Variants in SMCO3 observed in about 807,000 individuals in gnomAD.
SMCO3 encodes the protein single-pass membrane protein with coiled-coil domains 3, also known as single-pass membrane and coiled-coil domain-containing protein 3.
A neutral mutation model predicts 12.0 loss-of-function variants in SMCO3; 6 were observed. The observed-to-expected ratio is 0.50, with a 90% confidence interval of 0.27 to 0.99. The LOEUF is 0.99. Ranked by LOEUF, SMCO3 falls within the 50% of genes least tolerant of loss-of-function variation. The probability of loss-of-function intolerance (pLI) is 0.11; values close to 1 mark genes in which losing one functional copy is unlikely to be tolerated. For synonymous variants in SMCO3, 96 were observed against 96.4 expected (o/e 1.00, Z 0.02); for missense variants, 279 against 265.0 (o/e 1.05, Z -0.37).
chr12:14,811,840 A>G (rs1950144494), intron 1 of SMCO3, among the ~76,000 whole-genome samples: 1 of 152,252 alleles, frequency 6.6e-6, no homozygotes, highest in South Asian at 2.1e-4. Context: ...AGAAATTAAT[A>G]TCAAGGTGAT....
At chr12:14,808,164 CA>C (rs550952665) in intron 1 of SMCO3, among the ~76,000 whole-genome samples, 259 of 132,868 alleles carry the variant, frequency 1.9e-3, no homozygotes, top group Middle Eastern at 3.8e-3. Context: ...GACTTTGTCT[CA>C]AAAAAAAAAA....
intron 1 of SMCO3, among the ~76,000 whole-genome samples, chr12:14,807,905 CCTGTA>C (rs1950078249): frequency 6.6e-6 from 1 of 152,320 alleles, no homozygotes; most frequent in East Asian, 1.9e-4. Context: ...GTGGCTCAGG[CCTGTA>C]ATCCCAGCAC....
At chr12:14,812,571 C>T (rs1950158398) in intron 1 of SMCO3, among the ~76,000 whole-genome samples, 2 of 151,714 alleles carry the variant, frequency 1.3e-5, no homozygotes, top group Admixed American at 1.3e-4. Flanking sequence ...ATTTTTTTTC[C>T]TCCATTATCT....
intron 1 of SMCO3, among the ~76,000 whole-genome samples, chr12:14,813,325 G>A (rs1441572197): frequency 6.6e-6 from 1 of 152,108 alleles, no homozygotes; most frequent in Non-Finnish European, 1.5e-5. Flanking sequence ...TCCTTATCTG[G>A]GAGTGTGGAA....
At chr12:14,810,337 A>G (rs1284467079) in intron 1 of SMCO3, among the ~76,000 whole-genome samples, 5 of 152,212 alleles carry the variant, frequency 3.3e-5, no homozygotes, top group African/African-American at 1.2e-4. Context: ...GGGGATTGAA[A>G]GTGAAACCAT....
intron 1 of SMCO3, among the ~76,000 whole-genome samples, chr12:14,810,012 T>G (rs1592232683): frequency 6.6e-6 from 1 of 152,236 alleles, no homozygotes; most frequent in African/African-American, 2.4e-5. Flanking sequence ...GCGCTTAGAC[T>G]CTTTTTCGTG....
At chr12:14,807,918 C>A (rs1213370727) in intron 1 of SMCO3, among the ~76,000 whole-genome samples, 1 of 152,152 alleles carries the variant, frequency 6.6e-6, no homozygotes, top group Non-Finnish European at 1.5e-5. Context: ...GTAATCCCAG[C>A]ACTTTGGGAG....
At chr12:14,808,453 C>A (rs977261509) in intron 1 of SMCO3, among the ~76,000 whole-genome samples, 1 of 151,984 alleles carries the variant, frequency 6.6e-6, no homozygotes, top group African/African-American at 2.4e-5. Flanking sequence ...TCTGGCACAG[C>A]CTCTTTTTGA....
rs1175409294 is a variant in SMCO3, at chr12:14,805,041, C to A, written c.*962G>T. The A allele has an allele frequency of 2.0e-5, 3 of 152,204 alleles. No homozygotes were observed. The highest frequency in any genetic ancestry group is 2.9e-5 in the Non-Finnish European group (2 of 68,040). The allele number at this position is 152,204 out of a possible 1,614,324, so 9.4% of individuals were successfully genotyped here. ...CGGAACCATTAATAGGCTTCCATAG[C>A]CTTTGGCGTTTTCTAAAATCAGGTA... On this transcript the variant is annotated 3_prime_UTR_variant, in exon 2 of 2. Transcript: ENST00000316048.
At chr12:14,810,462 G>T (rs961922632) in intron 1 of SMCO3, among the ~76,000 whole-genome samples, 1 of 152,190 alleles carries the variant, frequency 6.6e-6, no homozygotes. Context: ...TCATATGCCA[G>T]CACCACTCTG....
At position 14,806,304 on chromosome 12, in the gene SMCO3, G is replaced by A; in HGVS notation, c.377C>T (p.Ser126Phe). 1 of 1,614,224 alleles carries A rather than the reference G, an allele frequency of 6.2e-7. No homozygotes were observed. Among genetic ancestry groups the A allele is most frequent in the Non-Finnish European group, 8.5e-7 (1 of 1,180,030 alleles). Residue 126 changes from serine to phenylalanine, a missense_variant, in exon 2 of 2, where the codon TCT (serine) becomes TTT (phenylalanine). Physicochemically the swap from Ser to Phe is radical, Grantham distance 155 (BLOSUM62 -2). Coordinates refer to ENST00000316048, the MANE Select transcript of SMCO3 (RefSeq NM_001013698.2). ...TTTAACAGCGACTGCACTGGCTGCA[G>A]ATGTAGCTTCTCCCAGGATGACCGA... ...VISVILGEAT[S>F]AASAVAVKLV... is the part of the protein sequence containing the mutation.
At chr12:14,812,658 A>G (rs1950159398) in intron 1 of SMCO3, among the ~76,000 whole-genome samples, 3 of 152,124 alleles carry the variant, frequency 2.0e-5, no homozygotes, top group East Asian at 3.9e-4. Flanking sequence ...AATTTTTATT[A>G]CTTTTGATAT....
chr12:14,812,788 A>C (rs1357717746), intron 1 of SMCO3, among the ~76,000 whole-genome samples: 1 of 152,086 alleles, frequency 6.6e-6, no homozygotes, highest in Non-Finnish European at 1.5e-5. Context: ...CAGGAGGTAC[A>C]TACACAGGTT....
At position 14,806,551 on chromosome 12, in the gene SMCO3, T is replaced by G. The variant is rs777676311; in HGVS notation, c.130A>C (p.Asn44His). The change falls in exon 2 of 2, where the codon AAT becomes CAT. Residue 44 changes from asparagine to histidine, a missense_variant. Coordinates refer to ENST00000316048, the MANE Select transcript of SMCO3 (RefSeq NM_001013698.2). Reference protein sequence around the residue: ...DVTNKLTEVLNMHLGCRLASI... With the variant: ...DVTNKLTEVLHMHLGCRLASI... ...GCCAGCCTGCACCCCAAGTGCATAT[T>G]TAGAACCTCAGTCAGCTTATTGGTG... 6.2e-7 allele frequency: 1 copy of G among 1,614,182 alleles called. No individual in the cohort carries two copies. The highest frequency in any genetic ancestry group is 1.7e-5 in the Admixed American group (1 of 60,024).
rs1409970341 is a variant in SMCO3 at position 14,804,781 on chromosome 12, ATAT to A, written c.*1219_*1221del. The A allele has an allele frequency of 6.6e-6, 1 of 152,248 alleles. No individual in the cohort carries two copies. Among genetic ancestry groups the A allele is most frequent in the African/African-American group, 2.4e-5 (1 of 41,460 alleles). The allele number at this position is 152,248 out of a possible 1,614,324, so 9.4% of individuals were successfully genotyped here. A position where few individuals can be genotyped will look rare whatever the true frequency, so the allele number is the denominator to read the frequency against. Reference sequence around the variant, plus strand: ...AAAGAGAAAACAGTGTATGTTGGAAATATTAAAGTCTTTCATGTAGCTAAAATT... The same window carrying A: ...AAAGAGAAAACAGTGTATGTTGGAAATAAAGTCTTTCATGTAGCTAAAATT... On this transcript the variant is annotated 3_prime_UTR_variant, in exon 2 of 2. Coordinates refer to ENST00000316048, the MANE Select transcript of SMCO3 (RefSeq NM_001013698.2).
Position 14,806,287 on chromosome 12 carries a change from C to T in SMCO3, c.394G>A (p.Ala132Thr), listed in dbSNP as rs537655113. The T allele has an allele frequency of 1.2e-5, 19 of 1,614,192 alleles. No individual in the cohort carries two copies. Among genetic ancestry groups the T allele is most frequent in the Admixed American group, 1.2e-4 (7 of 60,026 alleles). The change falls in exon 2 of 2, where the codon GCT becomes ACT. Residue 132 changes from alanine (A) to threonine (T), a missense_variant. Physicochemically the swap from Ala to Thr is moderately conservative, Grantham distance 58. Transcript: ENST00000316048. Reference sequence around the variant, plus strand: ...ACATTTGAGCCCACAAGTTTAACAGCGACTGCACTGGCTGCAGATGTAGCT... The same window carrying T: ...ACATTTGAGCCCACAAGTTTAACAGTGACTGCACTGGCTGCAGATGTAGCT... ...GEATSAASAV[A>T]VKLVGSNVTT...
chr12:14,806,671 T>G lies in SMCO3; in HGVS notation c.10A>C (p.Ser4Arg). ...GGGTTCTCTGGGTAAAGGAAGTCAC[T>G]TTGGGCCATATTTCCAATATGATCG... MAQ[S>R]DFLYPENPKR... The change falls in exon 2 of 2, where the codon AGT (serine) becomes CGT (arginine). Residue 4 changes from serine to arginine, a missense_variant. Ser to Arg is a moderately radical substitution (Grantham distance 110, BLOSUM62 -1). Transcript: ENST00000316048. 1 of 1,580,076 alleles carries G rather than the reference T, an allele frequency of 6.3e-7. No individual in the cohort carries two copies. Among genetic ancestry groups the G allele is most frequent in the Non-Finnish European group, 8.6e-7 (1 of 1,168,390 alleles).
intron 1 of SMCO3, among the ~76,000 whole-genome samples, chr12:14,813,101 G>A (rs1306223740): frequency 6.6e-6 from 1 of 152,154 alleles, no homozygotes; most frequent in Non-Finnish European, 1.5e-5. Flanking sequence ...TTTTAAAGCT[G>A]AGTTATGGGT....
chr12:14,812,602 G>A (rs1950158688), intron 1 of SMCO3, among the ~76,000 whole-genome samples: 2 of 151,930 alleles, frequency 1.3e-5, no homozygotes, highest in South Asian at 2.1e-4. Context: ...CTCAGCATAA[G>A]TACCTAGAAG....
Sources: gnomAD v4.1 joint callset for allele counts (sites outside exome capture counted in the v4.1 genomes callset) on GRCh38, gnomAD v4.1.1 for gene constraint, MANE v1.5 for transcripts, NCBI Gene and HGNC (gene_info 2026-07-23, HGNC 2026-07-21) for gene names.